Variants in PTPRN2 observed in about 807,000 individuals in gnomAD.
The protein encoded by PTPRN2 is receptor-type tyrosine-protein phosphatase N2.
In PTPRN2, 74 loss-of-function variants were observed where a neutral mutation model predicts 118.8. That is an observed-to-expected ratio of 0.62 (90% CI 0.52 to 0.76). The LOEUF is 0.76. Among genes scored for constraint, PTPRN2 ranks in the 30% least tolerant of loss-of-function variants. The pLI, the probability that PTPRN2 is intolerant of heterozygous loss-of-function variation, is 0.00. For synonymous variants in PTPRN2, 641 were observed against 608.0 expected, an observed-to-expected ratio of 1.05 and a Z score of -0.80; for missense variants, 1,481 against 1,394.4, an observed-to-expected ratio of 1.06 and a Z score of -0.99.
rs539164341 is a variant in PTPRN2, at chr7:157,893,867, C to A, written c.1788+4806G>T. Among the ~76,000 whole-genome samples the A allele has an allele frequency of 6.6e-6, 1 of 152,238 alleles. No homozygotes were observed. The highest frequency in any genetic ancestry group is 1.9e-4 in the East Asian group (1 of 5,178). ...TGGAGAGTCCAATCTGTAGAACTCACGGAGGAGGAGCTGGTCGACTTGAAG... is the reference window on the plus strand; with the variant it reads ...TGGAGAGTCCAATCTGTAGAACTCAAGGAGGAGGAGCTGGTCGACTTGAAG... On this transcript the variant is annotated intron_variant, in intron 12 of 22. Coordinates refer to ENST00000389418, the MANE Select transcript of PTPRN2 (RefSeq NM_002847.5). The surrounding 1 kb of genome is among the most constrained non-coding windows in gnomAD (Gnocchi z 4.0).
chr7:158,059,835 C>T (rs1239814042), intron 11 of PTPRN2, among the ~76,000 whole-genome samples: 15 of 125,910 alleles, frequency 1.2e-4, no homozygotes, highest in South Asian at 2.9e-4. Flanking sequence ...CATCTGCACA[C>T]GGTGAGACAT....
At position 158,020,325 on chromosome 7, in the gene PTPRN2, A is replaced by G. The variant is rs1229370844; in HGVS notation, c.1723+60973T>C. Among the ~76,000 whole-genome samples, 3 of 152,180 alleles carry G rather than the reference A, an allele frequency of 2.0e-5. No homozygotes were observed. In the East Asian group the frequency reaches 5.8e-4, roughly 29 times the overall value. On this transcript the variant is annotated intron_variant, in intron 11 of 22. Transcript: ENST00000389418. ...GCCATCTGGGTAGAGACGCAGAAAG[A>G]CTTCTTACAGTGAGTGGGCTTTGCC...
At chr7:157,976,050 C>T (rs542499192) in intron 11 of PTPRN2, among the ~76,000 whole-genome samples, 2 of 152,352 alleles carry the variant, frequency 1.3e-5, no homozygotes, top group South Asian at 4.1e-4. Context: ...CCTCCCTCAC[C>T]TGAGTGCTCA....
chr7:157,578,154 A>C lies in PTPRN2; in HGVS notation c.2497-14T>G, dbSNP rs1294386145. ...CTCCCACACCATCTGCGGACAAAGA[A>C]GGCCCGTGGCCGCGGTGTGACTGTC... On this transcript the variant is annotated splice_polypyrimidine_tract_variant and intron_variant, in intron 17 of 22. Coordinates refer to ENST00000389418, the MANE Select transcript of PTPRN2 (RefSeq NM_002847.5). 1 of 1,601,086 alleles carries C rather than the reference A, an allele frequency of 6.2e-7. No individual in the cohort carries two copies. Among genetic ancestry groups the C allele is most frequent in the Admixed American group, 1.7e-5 (1 of 59,632 alleles).
intron 11 of PTPRN2, among the ~76,000 whole-genome samples, chr7:158,040,439 G>A (rs1024723925): frequency 5.9e-5 from 9 of 151,670 alleles, no homozygotes; most frequent in Non-Finnish European, 1.0e-4. Flanking sequence ...ATGCACACAC[G>A]TGCACACACA....
Position 157,759,056 on chromosome 7 carries a change from G to A in PTPRN2, c.1789-76119C>T, listed in dbSNP as rs1341989456. ...TTCCGACGTTTCAAGAAAAAGGCAA[G>A]TGACTCTATTATTCCTCGTTTCTCT... On this transcript the variant is annotated intron_variant, in intron 12 of 22. Transcript: ENST00000389418. Among the ~76,000 whole-genome samples, 3 of 152,354 alleles carry A rather than the reference G, an allele frequency of 2.0e-5. No individual in the cohort carries two copies. The East Asian group carries it at 5.8e-4, about 29-fold the overall frequency.
At chr7:157,870,156 T>C (rs774395177) in intron 12 of PTPRN2, among the ~76,000 whole-genome samples, 1 of 152,182 alleles carries the variant, frequency 6.6e-6, no homozygotes, top group African/African-American at 2.4e-5. Context: ...TTGGAACCCA[T>C]GGAGTGGAAA....
intron 2 of PTPRN2, among the ~76,000 whole-genome samples, chr7:158,476,082 G>A (rs1208337061): frequency 6.6e-6 from 1 of 152,178 alleles, no homozygotes; most frequent in Non-Finnish European, 1.5e-5. Flanking sequence ...CTTAATCACT[G>A]CAACCTCCTC....
At chr7:157,582,899 A>T (rs1020790431) in intron 17 of PTPRN2, among the ~76,000 whole-genome samples, 2 of 151,950 alleles carry the variant, frequency 1.3e-5, no homozygotes, top group Non-Finnish European at 2.9e-5. Context: ...AAACAAAAAA[A>T]ACAATAAAAC....
intron 2 of PTPRN2, among the ~76,000 whole-genome samples, chr7:158,413,079 C>T (rs995548806): frequency 6.6e-5 from 10 of 150,770 alleles, no homozygotes; most frequent in Admixed American, 6.6e-5. Flanking sequence ...CCCGTCTCAG[C>T]GCCCTCCTCA....
rs566543042 is a variant in PTPRN2, at chr7:157,609,934, G to A, written c.2345-5859C>T. Among the ~76,000 whole-genome samples, 8 of 152,344 alleles carry A rather than the reference G, an allele frequency of 5.3e-5. No individual in the cohort carries two copies. The South Asian group carries it at 1.4e-3, about 28-fold the overall frequency. On this transcript the variant is annotated intron_variant, in intron 15 of 22. Transcript: ENST00000389418. The surrounding 1 kb of genome is among the most constrained non-coding windows in gnomAD (Gnocchi z 4.9). ...CTTGGGAGATGGCCCAGCTAAGCAT[G>A]CTAGAGGACGCGGCGGTATAGTCAT...
intron 1 of PTPRN2, among the ~76,000 whole-genome samples, chr7:158,513,205 C>T (rs1471615954): frequency 6.6e-6 from 1 of 152,172 alleles, no homozygotes. Context: ...GATGAGAAGG[C>T]ACTTCACCCC....
chr7:158,233,709 G>A (rs1829322837), intron 3 of PTPRN2, among the ~76,000 whole-genome samples: 1 of 152,298 alleles, frequency 6.6e-6, no homozygotes, highest in East Asian at 1.9e-4. Context: ...CATATGACCT[G>A]ACTTCGAAAT....
chr7:157,903,169 C>G lies in PTPRN2; in HGVS notation c.1724-4432G>C, dbSNP rs1159857894. Among the ~76,000 whole-genome samples, 3 of 152,104 alleles carry G rather than the reference C, an allele frequency of 2.0e-5. No homozygotes were observed. Among genetic ancestry groups the G allele is most frequent in the Non-Finnish European group, 4.4e-5 (3 of 68,032 alleles). On this transcript the variant is annotated intron_variant, in intron 11 of 22. Coordinates refer to ENST00000389418, the MANE Select transcript of PTPRN2 (RefSeq NM_002847.5). The surrounding 1 kb of genome is among the most constrained non-coding windows in gnomAD (Gnocchi z 4.2). ...CTCGCACGGAAGTGGGAACTACACT[C>G]ATCAGAGAACCACATGCGCTCACAT...
chr7:158,579,854 G>T (rs562225294), intron 1 of PTPRN2, among the ~76,000 whole-genome samples: 1 of 152,202 alleles, frequency 6.6e-6, no homozygotes, highest in Non-Finnish European at 1.5e-5. Flanking sequence ...CATGGATGCC[G>T]CAAGTCTTCT....
chr7:158,587,720 G>GGGAGGCGGCC lies in PTPRN2; in HGVS notation c.-61_-52dup. The GGGAGGCGGCC allele has an allele frequency of 8.7e-7, 1 of 1,148,300 alleles. No homozygotes were observed. The highest frequency in any genetic ancestry group is 1.1e-6 in the Non-Finnish European group (1 of 935,700). 71.1% of individuals were successfully genotyped at this position (1,148,300 alleles called of 1,614,324 possible). A position where few individuals can be genotyped will look rare whatever the true frequency, so the allele number is the denominator to read the frequency against. On this transcript the variant is annotated 5_prime_UTR_variant, in exon 1 of 23. Coordinates refer to ENST00000389418, the MANE Select transcript of PTPRN2 (RefSeq NM_002847.5). The stretch of plus-strand genomic sequence containing the variant: ...AGTCCATGGCCGCGCGGGAGGCGGC[G>GGGAGGCGGCC]GGAGGCGGCCGAGTCCGGGCCCAGG...
At position 157,539,864 on chromosome 7, in the gene PTPRN2, A is replaced by G. The variant is rs1215577401; in HGVS notation, c.*850T>C. ...TTCGTGTGCTCCCGGGGACCCTCAT[A>G]GCTTGCTCAATGCCCAGATTTGTTC... On this transcript the variant is annotated 3_prime_UTR_variant, in exon 23 of 23. Coordinates refer to ENST00000389418, the MANE Select transcript of PTPRN2 (RefSeq NM_002847.5). 6.6e-6 allele frequency: 1 copy of G among 152,254 alleles called. No individual in the cohort carries two copies. The highest frequency in any genetic ancestry group is 2.4e-5 in the African/African-American group (1 of 41,460). 9.4% of individuals were successfully genotyped at this position (152,254 alleles called of 1,614,324 possible).
intron 12 of PTPRN2, among the ~76,000 whole-genome samples, chr7:157,760,655 G>A (rs139894071): frequency 2.4e-3 from 371 of 152,092 alleles, no homozygotes; most frequent in Non-Finnish European, 4.5e-3. Flanking sequence ...GCTATTCAGC[G>A]GTCACAGTCT....
intron 16 of PTPRN2, among the ~76,000 whole-genome samples, chr7:157,600,653 C>A (rs938759612): frequency 6.6e-6 from 1 of 152,244 alleles, no homozygotes; most frequent in African/African-American, 2.4e-5. Context: ...AAGTGATTCG[C>A]CTGCCTTGGC....
Sources: gnomAD v4.1 joint callset for allele counts (sites outside exome capture counted in the v4.1 genomes callset) on GRCh38, gnomAD v4.1.1 for gene constraint, Gnocchi (gnomAD v3.1) non-coding constraint, MANE v1.5 for transcripts, NCBI Gene and HGNC (gene_info 2026-07-23, HGNC 2026-07-21) for gene names.